Variants in LAMA3 observed in about 807,000 individuals in gnomAD.
LAMA3 encodes the protein laminin subunit alpha-3.
In LAMA3, 281 loss-of-function variants were observed where a neutral mutation model predicts 402.0. That is an observed-to-expected ratio of 0.70 (90% CI 0.63 to 0.77). The LOEUF (loss-of-function observed/expected upper bound fraction) is 0.77, where lower values mean the gene tolerates loss of function less well. LAMA3 is among the 30% of genes least tolerant of loss of function. LAMA3 has a pLI of 0.00. For synonymous variants in LAMA3, 1,431 were observed against 1,558.4 expected (o/e 0.92, Z 1.93); for missense variants, 3,840 against 4,215.5 (o/e 0.91, Z 2.47).
chr18:23,904,668 G>C lies in LAMA3; in HGVS notation c.6589G>C (p.Ala2197Pro). 1 of 1,614,108 alleles carries C rather than the reference G, an allele frequency of 6.2e-7. No homozygotes were observed. The highest frequency in any genetic ancestry group is 8.5e-7 in the Non-Finnish European group (1 of 1,180,036). The change falls in exon 51 of 75, where the codon GCC (alanine) becomes CCC (proline). Residue 2197 changes from alanine (A) to proline (P), a missense_variant. By Grantham distance (27) the Ala-to-Pro change is conservative. Coordinates refer to ENST00000313654, the MANE Select transcript of LAMA3 (RefSeq NM_198129.4). Reference sequence around the variant, plus strand: ...GGCCGAGGACGCAGCCAACAGGGCTGCCAGTGCATCTGAATCTGCCCTCCA... The same window carrying C: ...GGCCGAGGACGCAGCCAACAGGGCTCCCAGTGCATCTGAATCTGCCCTCCA... ...KAAEDAANRAASASESALQTV... is the reference protein window; with the variant it reads ...KAAEDAANRAPSASESALQTV...
In LAMA3 at chr18:23,805,137, C is replaced by G. The variant is rs188052424; in HGVS notation, c.1604-5229C>G. Among the ~76,000 whole-genome samples, 429 of 152,182 alleles carry G rather than the reference C, an allele frequency of 2.8e-3. 4 individuals carry two copies. The highest frequency in any genetic ancestry group is 9.9e-3 in the African/African-American group (412 of 41,522). ...TTACTAAAGGTGTGAAGGAAAAAAG[C>G]ATTTGCCAGACTAACAGCTGCATTC... On this transcript the variant is annotated intron_variant, in intron 12 of 74. Transcript: ENST00000313654.
chr18:23,850,484 C>T (rs1035489158), intron 32 of LAMA3, among the ~76,000 whole-genome samples: 2 of 152,214 alleles, frequency 1.3e-5, no homozygotes, highest in African/African-American at 4.8e-5. Context: ...CTTTCAGCTT[C>T]TTACTCTGTA....
intron 2 of LAMA3, among the ~76,000 whole-genome samples, chr18:23,742,304 T>C (rs2061577646): frequency 6.6e-6 from 1 of 152,110 alleles, no homozygotes; most frequent in Non-Finnish European, 1.5e-5. Flanking sequence ...CAAAACATGT[T>C]GGGGGACTGC....
intron 29 of LAMA3, among the ~76,000 whole-genome samples, 192 bp downstream of exon 29, chr18:23,842,942 G>A (rs1002137976): frequency 6.6e-6 from 1 of 152,186 alleles, no homozygotes; most frequent in African/African-American, 2.4e-5. Flanking sequence ...TTAAAGTCAA[G>A]GGAACTAGGA....
intron 36 of LAMA3, among the ~76,000 whole-genome samples, chr18:23,865,106 C>T (rs199723188): frequency 2.0e-5 from 3 of 152,180 alleles, no homozygotes; most frequent in African/African-American, 4.8e-5. Context: ...AGTACTTAAC[C>T]GTATTTTGCT....
chr18:23,796,609 C>G (rs2062767921), intron 12 of LAMA3, among the ~76,000 whole-genome samples: 2 of 152,310 alleles, frequency 1.3e-5, no homozygotes, highest in South Asian at 4.1e-4. Context: ...CTTTAATCAG[C>G]TGCAGTACAT....
intron 12 of LAMA3, among the ~76,000 whole-genome samples, chr18:23,793,634 CTG>C (rs1238648330): frequency 2.0e-5 from 3 of 152,034 alleles, no homozygotes; most frequent in Admixed American, 1.3e-4. Context: ...TTTCCTCTAA[CTG>C]TGTTTTTCCT....
In LAMA3 at chr18:23,916,580, T is replaced by C. The variant is rs748271933; in HGVS notation, c.7808T>C (p.Phe2603Ser). The C allele has an allele frequency of 6.8e-6, 11 of 1,614,046 alleles. No homozygotes were observed. The highest frequency in any genetic ancestry group is 1.3e-5 in the African/African-American group (1 of 74,914). ...AAGGAAGAGTCAGACAAAAATTATT[T>C]TGAAGGTACGGGCTATGCTCGAGTT... is the stretch of plus-strand genomic sequence containing the variant. ...RRKEESDKNY[F>S]EGTGYARVPT... The change falls in exon 60 of 75, where the codon TTT becomes TCT. Residue 2603 changes from phenylalanine (F) to serine (S), a missense_variant. By Grantham distance (155) the Phe-to-Ser change is radical (BLOSUM62 -2). Coordinates refer to ENST00000313654, the MANE Select transcript of LAMA3 (RefSeq NM_198129.4).
At chr18:23,804,499 T>C (rs2062925300) in intron 12 of LAMA3, among the ~76,000 whole-genome samples, 1 of 152,238 alleles carries the variant, frequency 6.6e-6, no homozygotes, top group South Asian at 2.1e-4. Context: ...TAGTTGCTAC[T>C]TCTTGTTCAC....
At position 23,689,918 on chromosome 18, in the gene LAMA3, G is replaced by T; in HGVS notation, c.235G>T (p.Glu79Ter). Residue 79 changes from glutamate (E) to a stop codon, truncating the protein, a stop_gained, in exon 1 of 75, where the codon GAG becomes TAG. Coordinates refer to ENST00000313654, the MANE Select transcript of LAMA3 (RefSeq NM_198129.4). LOFTEE classifies it high-confidence loss of function. ...RGPGEGRPQPELYCKLVGGPT... is the reference protein window; with the variant it reads ...RGPGEGRPQP The stretch of plus-strand genomic sequence containing the variant: ...ACCCGGCGAGGGGAGGCCCCAGCCC[G>T]AGCTCTACTGCAAGTTGGTCGGGGG... The T allele has an allele frequency of 6.5e-7, 1 of 1,532,532 alleles. No individual in the cohort carries two copies. Among genetic ancestry groups the T allele is most frequent in the Non-Finnish European group, 8.8e-7 (1 of 1,139,826 alleles). The allele number at this position is 1,532,532 out of a possible 1,614,324, so 94.9% of individuals were successfully genotyped here.
chr18:23,693,231 C>G (rs1443488089), intron 1 of LAMA3, among the ~76,000 whole-genome samples: 1 of 152,128 alleles, frequency 6.6e-6, no homozygotes. Flanking sequence ...GTAATCCCAG[C>G]TACTCGGGAG....
intron 47 of LAMA3, among the ~76,000 whole-genome samples, chr18:23,900,382 CTTTTGACTGCA>C (rs2081032781): frequency 6.6e-6 from 1 of 152,142 alleles, no homozygotes; most frequent in African/African-American, 2.4e-5. Flanking sequence ...CTGAAATGAA[CTTTTGACTGCA>C]TTTTGACTGC....
intron 62 of LAMA3, among the ~76,000 whole-genome samples, chr18:23,927,187 T>G (rs2082026446): frequency 1.3e-5 from 2 of 152,236 alleles, no homozygotes. Flanking sequence ...TTTTTGTTTT[T>G]TGAGGCAGAG....
At chr18:23,775,691 C>A in intron 9 of LAMA3, 101 bp from the exon 10 acceptor site, 1 of 1,350,250 alleles carries the variant, frequency 7.4e-7, no homozygotes, top group Non-Finnish European at 1.0e-6. Context: ...ACCTATAGAC[C>A]AAGGATCAAG....
chr18:23,764,289 GTAAAATA>G (rs1007673510), intron 8 of LAMA3, among the ~76,000 whole-genome samples: 2 of 152,112 alleles, frequency 1.3e-5, no homozygotes, highest in Non-Finnish European at 2.9e-5. Context: ...TAAAATATAA[GTAAAATA>G]TAAAATATAA....
intron 32 of LAMA3, 129 bp downstream of exon 32, chr18:23,847,797 C>T (rs2144639697): frequency 1.1e-6 from 1 of 902,232 alleles, no homozygotes; most frequent in East Asian, 2.6e-5. Flanking sequence ...TCGGCATGAG[C>T]TTCCCAGACA....
At chr18:23,782,099 T>G (rs1018780881) in intron 11 of LAMA3, among the ~76,000 whole-genome samples, 15 of 152,218 alleles carry the variant, frequency 9.9e-5, no homozygotes, top group African/African-American at 3.1e-4. Context: ...TTGGCTACTT[T>G]TCATATTAAC....
intron 72 of LAMA3, 138 bp from the exon 73 acceptor site, chr18:23,951,546 C>T: frequency 1.4e-6 from 1 of 690,940 alleles, no homozygotes; most frequent in Non-Finnish European, 2.7e-6. Context: ...TGGTCAAATG[C>T]TTCAAAAGCG....
At chr18:23,786,604 A>G (rs1235004615) in intron 12 of LAMA3, among the ~76,000 whole-genome samples, 2 of 152,206 alleles carry the variant, frequency 1.3e-5, no homozygotes, top group African/African-American at 2.4e-5. Context: ...CAGAATTTCA[A>G]AGAAAGAGGG....
Sources: gnomAD v4.1 joint callset for allele counts (sites outside exome capture counted in the v4.1 genomes callset) on GRCh38, gnomAD v4.1.1 for gene constraint, MANE v1.5 for transcripts, NCBI Gene and HGNC (gene_info 2026-07-23, HGNC 2026-07-21) for gene names.